GUCY1A1: variants seen among roughly 807,000 people sequenced by gnomAD.
The protein encoded by GUCY1A1 is guanylate cyclase 1 soluble subunit alpha 1, also known as guanylate cyclase soluble subunit alpha-1.
In GUCY1A1, 48 loss-of-function variants were observed where a neutral mutation model predicts 64.5. The observed-to-expected ratio is 0.74, with a 90% CI of 0.59 to 0.95. The LOEUF is 0.95. Among genes scored for constraint, GUCY1A1 ranks in the 40% least tolerant of loss-of-function variants. The pLI is 0.00. For synonymous variants in GUCY1A1, 308 were observed against 303.4 expected, an observed-to-expected ratio of 1.02 and a Z score of -0.16; for missense variants, 804 against 825.3, an observed-to-expected ratio of 0.97 and a Z score of 0.32.
intron 7 of GUCY1A1, among the ~76,000 whole-genome samples, chr4:155,716,221 G>A (rs941999660): frequency 6.6e-6 from 1 of 152,132 alleles, no homozygotes; most frequent in African/African-American, 2.4e-5. Flanking sequence ...CATAATAAGG[G>A]TATCAGCATC....
rs1735844488 is a variant in GUCY1A1, at chr4:155,734,242, C to G, written c.*4011C>G. On this transcript the variant is annotated 3_prime_UTR_variant, in exon 10 of 10. Transcript: ENST00000506455. ...TGCCTGAGGAATAGACATCAGTCCT[C>G]TGAGATTACCCAGCTGGAAAACTGC... Among the ~76,000 whole-genome samples, 1 of 151,856 alleles carries G rather than the reference C, an allele frequency of 6.6e-6. No individual in the cohort carries two copies.
At chr4:155,708,572 C>T (rs897054859) in intron 5 of GUCY1A1, among the ~76,000 whole-genome samples, 2 of 152,156 alleles carry the variant, frequency 1.3e-5, no homozygotes, top group Non-Finnish European at 2.9e-5. Context: ...ACCTAACTAA[C>T]TGTTCCTCAT....
rs999924777 is a variant in GUCY1A1 at position 155,732,829 on chromosome 4, T to C, written c.*2598T>C. On this transcript the variant is annotated 3_prime_UTR_variant, in exon 10 of 10. Transcript: ENST00000506455. Reference sequence around the variant, plus strand: ...CAGGAGCTATTCTTTCTGTTCTGGTTATATAGTTTCCATTCATGGCTTCTT... The same window carrying C: ...CAGGAGCTATTCTTTCTGTTCTGGTCATATAGTTTCCATTCATGGCTTCTT... 6.6e-6 allele frequency among the ~76,000 whole-genome samples: 1 copy of C among 151,906 alleles called. No homozygotes were observed. The highest frequency in any genetic ancestry group is 1.5e-5 in the Non-Finnish European group (1 of 67,892).
In GUCY1A1 at chr4:155,710,949, A is replaced by G; in HGVS notation, c.784A>G (p.Thr262Ala). 2 of 1,613,652 alleles carry G rather than the reference A, an allele frequency of 1.2e-6. No homozygotes were observed. The change falls in exon 6 of 10, where the codon ACC becomes GCC. Residue 262 changes from threonine to alanine, a missense_variant. Thr to Ala is a moderately conservative substitution (Grantham distance 58). Coordinates refer to ENST00000506455, the MANE Select transcript of GUCY1A1 (RefSeq NM_001130682.3). The part of the protein sequence containing the change: ...YLLYSVHMKS[T>A]KPSLSPSKPQ... ...GTTGTACTCCGTTCACATGAAAAGC[A>G]CCAAGCCATCCCTGTCCCCCAGCAA...
At chr4:155,727,360 AG>A (rs2126997074) in intron 9 of GUCY1A1, among the ~76,000 whole-genome samples, 1 of 152,052 alleles carries the variant, frequency 6.6e-6, no homozygotes, top group East Asian at 1.9e-4. Context: ...GTCTTTAAAA[AG>A]CATAGAAGTT....
At position 155,730,648 on chromosome 4, in the gene GUCY1A1, T is replaced by G. The variant is rs1167461845; in HGVS notation, c.*417T>G. On this transcript the variant is annotated 3_prime_UTR_variant, in exon 10 of 10. Transcript: ENST00000506455. ...AAAAAAAAGGTTTTTGAATAGAAAT[T>G]ACATTCTTTGACACCCTCAGTTCTT... 6.5e-6 allele frequency: 1 copy of G among 154,578 alleles called. No homozygotes were observed. The allele number at this position is 154,578 out of a possible 1,614,324, so 9.6% of individuals were successfully genotyped here.
chr4:155,727,754 G>A (rs1734921796), intron 9 of GUCY1A1, among the ~76,000 whole-genome samples: 1 of 151,018 alleles, frequency 6.6e-6, no homozygotes, highest in Admixed American at 6.6e-5. Context: ...ATTTCTTTCA[G>A]GTTTCTGTTT....
chr4:155,688,115 C>G (rs1264800796), intron 2 of GUCY1A1, among the ~76,000 whole-genome samples: 1 of 151,856 alleles, frequency 6.6e-6, no homozygotes, highest in Non-Finnish European at 1.5e-5. Flanking sequence ...GTAGTCCCAG[C>G]TGCTCGGGAG....
chr4:155,675,187 A>G (rs527252390), intron 2 of GUCY1A1, among the ~76,000 whole-genome samples: 4 of 151,802 alleles, frequency 2.6e-5, no homozygotes, highest in African/African-American at 7.3e-5. Flanking sequence ...AGCTTCAAAT[A>G]TGCTCATTAT....
rs757268219 is a variant in GUCY1A1 at position 155,730,846 on chromosome 4, T to C, written c.*615T>C. On this transcript the variant is annotated 3_prime_UTR_variant, in exon 10 of 10. Transcript: ENST00000506455. ...ATAAAATAGTTCTGTAAATACCAAA[T>C]ATTATTTTTAGTTCTGGAAGTTAAA... 1.3e-5 allele frequency: 2 copies of C among 153,218 alleles called. No homozygotes were observed. Among genetic ancestry groups the C allele is most frequent in the Admixed American group, 6.6e-5 (1 of 15,196 alleles). 9.5% of individuals were successfully genotyped at this position (153,218 alleles called of 1,614,324 possible).
At chr4:155,681,200 A>G (rs1735711812) in intron 2 of GUCY1A1, among the ~76,000 whole-genome samples, 1 of 152,174 alleles carries the variant, frequency 6.6e-6, no homozygotes, top group African/African-American at 2.4e-5. Flanking sequence ...TTATGATTGC[A>G]GAGCTTGTCT....
intron 3 of GUCY1A1, among the ~76,000 whole-genome samples, chr4:155,698,723 A>T (rs1730725625): frequency 6.6e-6 from 1 of 152,320 alleles, no homozygotes; most frequent in East Asian, 1.9e-4. Context: ...TGCCACCAAA[A>T]GTTCCACAGG....
At chr4:155,670,027 A>G (rs1270508816) in intron 2 of GUCY1A1, among the ~76,000 whole-genome samples, 1 of 152,216 alleles carries the variant, frequency 6.6e-6, no homozygotes, top group South Asian at 2.1e-4. Context: ...GCAACATTTC[A>G]GTAATACAAG....
At chr4:155,680,222 C>T (rs775055753) in intron 2 of GUCY1A1, among the ~76,000 whole-genome samples, 1 of 151,976 alleles carries the variant, frequency 6.6e-6, no homozygotes, top group Non-Finnish European at 1.5e-5. Context: ...CGTGAATGTT[C>T]GTAGTTTTCA....
At chr4:155,721,053 C>T (rs1733899265) in intron 8 of GUCY1A1, among the ~76,000 whole-genome samples, 1 of 151,940 alleles carries the variant, frequency 6.6e-6, no homozygotes, top group African/African-American at 2.4e-5. Context: ...CACTTGAGCC[C>T]AAGAGTTTGA....
At chr4:155,689,688 A>G (rs10008284) in intron 2 of GUCY1A1, among the ~76,000 whole-genome samples, 16,328 of 152,226 alleles carry the variant, frequency 0.11, 2,944 homozygotes, top group African/African-American at 0.37. Flanking sequence ...AAAAGATTGT[A>G]GATTGCACTC....
intron 3 of GUCY1A1, among the ~76,000 whole-genome samples, chr4:155,699,717 GT>G: frequency 6.6e-6 from 1 of 152,172 alleles, no homozygotes; most frequent in Non-Finnish European, 1.5e-5. Flanking sequence ...TATTTGTTAA[GT>G]TTATAGATTT....
At chr4:155,728,084 A>T (rs559342058) in intron 9 of GUCY1A1, among the ~76,000 whole-genome samples, 2 of 151,946 alleles carry the variant, frequency 1.3e-5, no homozygotes, top group Non-Finnish European at 2.9e-5. Context: ...CCCAGTGAAC[A>T]TATCCATATC....
rs1190513949 is a variant in GUCY1A1, at chr4:155,676,305, T to TG, written c.-113+8886_-113+8887insG. ...GAATGTCCTAAGAAGAGCTGGTTTT[T>TG]TTTTTTTTTTTTTTAACAATTTTGT... On this transcript the variant is annotated intron_variant, in intron 2 of 9. Coordinates refer to ENST00000506455, the MANE Select transcript of GUCY1A1 (RefSeq NM_001130682.3). 1.5e-4 allele frequency among the ~76,000 whole-genome samples: 22 copies of TG among 150,404 alleles called. 1 individual carries two copies. The South Asian group carries it at 4.0e-3, about 27-fold the overall frequency.
Sources: gnomAD v4.1 joint callset for allele counts (sites outside exome capture counted in the v4.1 genomes callset) on GRCh38, gnomAD v4.1.1 for gene constraint, MANE v1.5 for transcripts, NCBI Gene and HGNC (gene_info 2026-07-23, HGNC 2026-07-21) for gene names.